DLG2: variants seen among roughly 807,000 people sequenced by gnomAD.
DLG2 encodes discs large MAGUK scaffold protein 2, also known as disks large homolog 2.
Under a neutral mutation model 132.5 loss-of-function variants are expected in DLG2, and 45 were observed. The ratio of observed to expected loss-of-function variants is 0.34; its 90% CI spans 0.27 to 0.44. The LOEUF is 0.44. Among genes scored for constraint, DLG2 ranks in the 20% least tolerant of loss-of-function variants. The probability of loss-of-function intolerance (pLI) is 1.00; values close to 1 mark genes in which losing one functional copy is unlikely to be tolerated. For missense variants in DLG2, 1,045 were observed against 1,196.9 expected, an observed-to-expected ratio of 0.87 and a Z score of 1.87; for synonymous variants, 424 against 419.6, an observed-to-expected ratio of 1.01 and a Z score of -0.13.
chr11:85,120,435 G>C (rs965612346), intron 5 of DLG2, among the ~76,000 whole-genome samples: 1 of 152,022 alleles, frequency 6.6e-6, no homozygotes, highest in African/African-American at 2.4e-5. Flanking sequence ...GAAATCCTAA[G>C]AGATTCAAAA....
intron 10 of DLG2, among the ~76,000 whole-genome samples, chr11:84,065,023 A>G (rs2096649969): frequency 6.6e-6 from 1 of 152,134 alleles, no homozygotes; most frequent in Non-Finnish European, 1.5e-5. Flanking sequence ...CATATGCAGA[A>G]GATTGCAATT....
intron 6 of DLG2, among the ~76,000 whole-genome samples, chr11:85,014,745 A>G (rs2059428542): frequency 6.6e-6 from 1 of 152,140 alleles, no homozygotes; most frequent in African/African-American, 2.4e-5. Flanking sequence ...CCTTTGGTAC[A>G]CCCCAAACCT....
At chr11:84,742,582 T>C (rs2064829382) in intron 6 of DLG2, among the ~76,000 whole-genome samples, 1 of 152,202 alleles carries the variant, frequency 6.6e-6, no homozygotes, top group Non-Finnish European at 1.5e-5. Flanking sequence ...ATGCATAGCA[T>C]TCCCTATTAT....
intron 6 of DLG2, among the ~76,000 whole-genome samples, chr11:84,747,011 T>C (rs936609936): frequency 1.3e-5 from 2 of 152,178 alleles, no homozygotes; most frequent in Admixed American, 6.5e-5. Context: ...ATGAATCACA[T>C]GGCCAGTCCA....
intron 7 of DLG2, among the ~76,000 whole-genome samples, chr11:84,314,737 T>C (rs938182773): frequency 9.9e-5 from 15 of 151,786 alleles, no homozygotes; most frequent in African/African-American, 2.4e-4. Flanking sequence ...TAAATATACA[T>C]AAAATATGTT....
At chr11:84,928,004 AAG>A (rs2047606295) in intron 6 of DLG2, among the ~76,000 whole-genome samples, 1 of 151,962 alleles carries the variant, frequency 6.6e-6, no homozygotes, top group African/African-American at 2.4e-5. Flanking sequence ...GCTCTGAAGA[AAG>A]AGAGGAAAAT....
chr11:84,741,966 T>C (rs2064739668), intron 6 of DLG2, among the ~76,000 whole-genome samples: 1 of 151,966 alleles, frequency 6.6e-6, no homozygotes, highest in Admixed American at 6.6e-5. Context: ...AACAAAGAGA[T>C]AGATACCATA....
At chr11:84,478,084 G>A (rs2099126665) in intron 7 of DLG2, among the ~76,000 whole-genome samples, 1 of 152,122 alleles carries the variant, frequency 6.6e-6, no homozygotes, top group African/African-American at 2.4e-5. Context: ...CATGCTCTTA[G>A]CCTCTCTAAA....
intron 6 of DLG2, among the ~76,000 whole-genome samples, chr11:85,079,119 T>C (rs2066915775): frequency 6.6e-6 from 1 of 151,988 alleles, no homozygotes; most frequent in Non-Finnish European, 1.5e-5. Flanking sequence ...TGTTGCAGGG[T>C]GGCTTTCAAG....
intron 3 of DLG2, among the ~76,000 whole-genome samples, chr11:85,470,470 C>A (rs937683164): frequency 6.6e-6 from 1 of 152,108 alleles, no homozygotes; most frequent in Non-Finnish European, 1.5e-5. Flanking sequence ...TGCCTGTAAT[C>A]CCAGCACTTT....
At chr11:84,071,786 A>G (rs888873675) in intron 10 of DLG2, among the ~76,000 whole-genome samples, 1 of 152,218 alleles carries the variant, frequency 6.6e-6, no homozygotes, top group Non-Finnish European at 1.5e-5. Context: ...CCTTTATTAA[A>G]ATGAAATCTT....
intron 7 of DLG2, among the ~76,000 whole-genome samples, chr11:84,441,281 G>A (rs2099016672): frequency 6.6e-6 from 1 of 151,912 alleles, no homozygotes; most frequent in South Asian, 2.1e-4. Flanking sequence ...AGGGTAGGTA[G>A]GACAGTAGGC....
intron 7 of DLG2, among the ~76,000 whole-genome samples, chr11:84,473,787 C>T (rs2099114628): frequency 6.6e-6 from 1 of 151,994 alleles, no homozygotes; most frequent in African/African-American, 2.4e-5. Flanking sequence ...AAGGAATCTG[C>T]TGATACCTGG....
chr11:84,752,689 G>A (rs1018166060), intron 6 of DLG2, among the ~76,000 whole-genome samples: 1 of 144,378 alleles, frequency 6.9e-6, no homozygotes, highest in Admixed American at 6.9e-5. Flanking sequence ...TCTAGCATTA[G>A]GTATATCTCC....
At chr11:84,095,132 C>A (rs1297600174) in intron 10 of DLG2, among the ~76,000 whole-genome samples, 1 of 151,024 alleles carries the variant, frequency 6.6e-6, no homozygotes, top group Admixed American at 6.6e-5. Context: ...AAGGAGACTG[C>A]AGAAGGAAAT....
chr11:85,612,152 G>T (rs1565761274), intron 2 of DLG2, among the ~76,000 whole-genome samples: 1 of 152,164 alleles, frequency 6.6e-6, no homozygotes, highest in Non-Finnish European at 1.5e-5. Context: ...ATAATTGAAG[G>T]TCTTCTCTGT....
intron 16 of DLG2, among the ~76,000 whole-genome samples, chr11:83,868,086 C>T (rs1002785878): frequency 4.6e-5 from 7 of 152,158 alleles, no homozygotes; most frequent in African/African-American, 1.7e-4. Flanking sequence ...TGATGCTGAA[C>T]TGGGGGGACA....
At chr11:85,398,070 C>A (rs1023118282) in intron 3 of DLG2, among the ~76,000 whole-genome samples, 5 of 152,166 alleles carry the variant, frequency 3.3e-5, no homozygotes, top group African/African-American at 1.2e-4. Flanking sequence ...GAAATCACAA[C>A]AAACTGTCTC....
In DLG2 at chr11:84,946,653, A is replaced by T. The variant is rs994162426; in HGVS notation, c.357+165008T>A. On this transcript the variant is annotated intron_variant, in intron 6 of 27. Transcript: ENST00000376104. ...AAGCAGAAGGAAGGAGCAACTATAG[A>T]GCTGTTTGCTTATGCTGTCTGTGGT... 2.6e-5 allele frequency among the ~76,000 whole-genome samples: 4 copies of T among 152,108 alleles called. No homozygotes were observed. In the South Asian group the frequency reaches 8.3e-4, roughly 32 times the overall value.
Sources: allele counts gnomAD v4.1 joint callset (sites outside exome capture counted in the v4.1 genomes callset), GRCh38; gene constraint gnomAD v4.1.1; transcripts MANE v1.5; gene names NCBI Gene and HGNC (gene_info 2026-07-23, HGNC 2026-07-21).